The following CENPE variants were observed in gnomAD, a reference collection of about 807,000 sequenced individuals.
CENPE encodes the protein centromere protein E, also known as centromere-associated protein E.
CENPE carries 145 observed loss-of-function variants against 336.1 expected under a neutral mutation model. The observed-to-expected ratio is 0.43, with a 90% CI of 0.38 to 0.50. The LOEUF is 0.50. Among genes scored for constraint, CENPE ranks in the 20% least tolerant of loss-of-function variants. The pLI, the probability that CENPE is intolerant of heterozygous loss-of-function variation, is 0.00. For synonymous variants in CENPE, 1,013 were observed against 984.8 expected (o/e 1.03, Z -0.54); for missense variants, 2,719 against 3,023.3 (o/e 0.90, Z 2.36).
intron 41 of CENPE, among the ~76,000 whole-genome samples, chr4:103,133,394 A>G (rs1751782629): frequency 6.6e-6 from 1 of 152,134 alleles, no homozygotes; most frequent in South Asian, 2.1e-4. Flanking sequence ...CAGACCTTAC[A>G]TACATGTTGG....
Position 103,112,624 on chromosome 4 carries a change from G to GTAAGTATATATAAGTGGATATATACTTA in CENPE, c.7541-1641_7541-1614dup, listed in dbSNP as rs1221923086. Among the ~76,000 whole-genome samples the GTAAGTATATATAAGTGGATATATACTTA allele has an allele frequency of 6.9e-3, 879 of 126,702 alleles. 28 individuals are homozygous for GTAAGTATATATAAGTGGATATATACTTA. Among genetic ancestry groups the GTAAGTATATATAAGTGGATATATACTTA allele is most frequent in the African/African-American group, 0.026 (738 of 28,758 alleles). 83.1% of individuals were successfully genotyped at this position (126,702 alleles called of 152,430 possible). A position where few individuals can be genotyped will look rare whatever the true frequency, so the allele number is the denominator to read the frequency against. On this transcript the variant is annotated intron_variant, in intron 46 of 48. Transcript: ENST00000265148. ...TATATATAAGTCTGTATATATACTT[G>GTAAGTATATATAAGTGGATATATACTTA]TAAGTATATATAAGTGGATATATAC... is the stretch of plus-strand genomic sequence containing the variant.
At chr4:103,191,495 G>C (rs1757324585) in intron 8 of CENPE, among the ~76,000 whole-genome samples, 1 of 152,260 alleles carries the variant, frequency 6.6e-6, no homozygotes, top group Admixed American at 6.5e-5. Context: ...CATGTCCTTT[G>C]TAGGGACATG....
At chr4:103,144,916 GT>G in intron 32 of CENPE, 133 bp downstream of exon 32, 3 of 806,776 alleles carry the variant, frequency 3.7e-6, no homozygotes, top group Non-Finnish European at 5.5e-6. Context: ...AATATAAGCA[GT>G]TTTTGATTCC....
In CENPE at chr4:103,145,622, T is replaced by C; in HGVS notation, c.4473A>G (p.Glu1491=). The change falls in exon 31 of 49, where the codon GAA becomes GAG. Residue 1491 remains glutamate, a synonymous_variant. Transcript: ENST00000265148. ...GATTCACTCTTAACTCATTAATAGT[T>C]TCCTCTTGTTCTTTCAGGCAACAAT... The part of the protein sequence containing the change: ...VAHCCLKEQE[E]TINELRVNLS... 6.2e-7 allele frequency: 1 copy of C among 1,608,692 alleles called. No homozygotes were observed. The highest frequency in any genetic ancestry group is 1.1e-5 in the South Asian group (1 of 89,212).
rs1450890889 is a variant in CENPE at position 103,158,594 on chromosome 4, T to C, written c.2874+20A>G. 1.3e-6 allele frequency: 2 copies of C among 1,568,494 alleles called. No homozygotes were observed. Among genetic ancestry groups the C allele is most frequent in the Non-Finnish European group, 1.7e-6 (2 of 1,165,000 alleles). On this transcript the variant is annotated intron_variant, in intron 23 of 48. Transcript: ENST00000265148. Reference sequence around the variant, plus strand: ...TTAAGAGTCTCCAATTTTTCAAAGTTTAATCAATCAAAACCTTACCATGTT... The same window carrying C: ...TTAAGAGTCTCCAATTTTTCAAAGTCTAATCAATCAAAACCTTACCATGTT...
intron 16 of CENPE, among the ~76,000 whole-genome samples, chr4:103,173,657 A>AGAAATATATATAAGAATATATAAGAAT (rs1755614602): frequency 1.3e-5 from 2 of 152,036 alleles, no homozygotes; most frequent in Admixed American, 1.3e-4. Context: ...TAATATCCAA[A>AGAAATATATATAAGAATATATAAGAAT]ATATATAAGA....
In CENPE at chr4:103,145,037, G is replaced by A; in HGVS notation, c.4857+13C>T. The A allele has an allele frequency of 8.9e-6, 13 of 1,459,588 alleles. No homozygotes were observed. The highest frequency in any genetic ancestry group is 7.0e-5 in the East Asian group (3 of 42,592). 90.4% of individuals were successfully genotyped at this position (1,459,588 alleles called of 1,614,324 possible). ...CTGTATCCAAAAAAAAAAAAAATAA[G>A]ATGGGAACTTACTTTAGCTACAATT... On this transcript the variant is annotated intron_variant, in intron 32 of 48. Coordinates refer to ENST00000265148, the MANE Select transcript of CENPE (RefSeq NM_001813.3).
chr4:103,125,314 A>T (rs1299537984), intron 42 of CENPE, among the ~76,000 whole-genome samples: 1 of 152,260 alleles, frequency 6.6e-6, no homozygotes, highest in Non-Finnish European at 1.5e-5. Flanking sequence ...TTTAATATAA[A>T]TAAGCAATCT....
At chr4:103,144,745 G>A in intron 32 of CENPE, 127 bp from the exon 33 acceptor site, 1 of 663,924 alleles carries the variant, frequency 1.5e-6, no homozygotes, top group East Asian at 2.8e-5. Flanking sequence ...CTTTCATAAG[G>A]GATATGAGTA....
At chr4:103,131,729 A>T (rs1456457305) in intron 42 of CENPE, among the ~76,000 whole-genome samples, 1 of 152,216 alleles carries the variant, frequency 6.6e-6, no homozygotes, top group Non-Finnish European at 1.5e-5. Context: ...GTAAGTAGAT[A>T]AACAGGTACA....
chr4:103,187,320 A>C (rs1756867795), intron 8 of CENPE, among the ~76,000 whole-genome samples: 1 of 152,196 alleles, frequency 6.6e-6, no homozygotes, highest in African/African-American at 2.4e-5. Flanking sequence ...ACTCCTCAAG[A>C]AGAGCAACTC....
chr4:103,159,117 T>C lies in CENPE; in HGVS notation c.2494A>G (p.Lys832Glu), dbSNP rs1216069959. The C allele has an allele frequency of 1.9e-6, 3 of 1,605,430 alleles. No individual in the cohort carries two copies. The highest frequency in any genetic ancestry group is 2.5e-6 in the Non-Finnish European group (3 of 1,176,996). Residue 832 changes from lysine to glutamate, a missense_variant, in exon 22 of 49, where the codon AAG becomes GAG. Around this residue, in one of 5 missense-constraint regions of CENPE, gnomAD observed 2,437 missense variants for 2,513.3 expected, o/e 0.97. Transcript: ENST00000265148. ...TTCTCCTCAAGGACCATCTTATACT[T>C]TTGCTCAAAGTCCATATGAAGGGTT... ...FKTLHMDFEQKYKMVLEENER... is the reference protein window; with the variant it reads ...FKTLHMDFEQEYKMVLEENER...
chr4:103,195,275 A>G lies in CENPE; in HGVS notation c.358-42T>C, dbSNP rs115775542. On this transcript the variant is annotated intron_variant, in intron 4 of 48. Transcript: ENST00000265148. The stretch of plus-strand genomic sequence containing the variant: ...TATATAAAAACACCAGGAAGCATCC[A>G]ATTGTGAAAACCTAATGCTAAATGC... The G allele has an allele frequency of 2.1e-3, 3,202 of 1,537,092 alleles. 68 individuals carry two copies. In the African/African-American group the frequency reaches 0.04, roughly 19 times the overall value.
At chr4:103,112,605 T>C (rs558174550) in intron 46 of CENPE, among the ~76,000 whole-genome samples, 3 of 134,698 alleles carry the variant, frequency 2.2e-5, no homozygotes, top group Non-Finnish European at 4.6e-5. Context: ...TAAGTATATA[T>C]AAGTCTGTAT....
At chr4:103,135,805 A>C (rs1752019000) in intron 40 of CENPE, among the ~76,000 whole-genome samples, 1 of 152,192 alleles carries the variant, frequency 6.6e-6, no homozygotes, top group Non-Finnish European at 1.5e-5. Flanking sequence ...CTACAGTTTC[A>C]TCTTCTGTAA....
chr4:103,143,163 T>C (rs1029856974), intron 34 of CENPE, 85 bp downstream of exon 34: 3 of 942,064 alleles, frequency 3.2e-6, no homozygotes, highest in East Asian at 2.6e-5. Flanking sequence ...TTGCCTTCAA[T>C]TTTAGGGTAA....
intron 48 of CENPE, 75 bp downstream of exon 48, chr4:103,108,728 C>T: frequency 7.5e-7 from 1 of 1,337,966 alleles, no homozygotes; most frequent in Non-Finnish European, 1.0e-6. Context: ...CTAAACTTGC[C>T]CTTTGGGATC....
chr4:103,131,363 GAATTGCAAA>G (rs1166598270), intron 42 of CENPE, among the ~76,000 whole-genome samples: 1 of 152,122 alleles, frequency 6.6e-6, no homozygotes, highest in Non-Finnish European at 1.5e-5. Context: ...TGTTATTAGA[GAATTGCAAA>G]CTGAATGAGA....
intron 17 of CENPE, 63 bp from the exon 18 acceptor site, chr4:103,163,319 CAG>C: frequency 7.0e-7 from 1 of 1,436,280 alleles, no homozygotes; most frequent in Admixed American, 2.0e-5. Flanking sequence ...GGGATTAAAA[CAG>C]AACTTATATA....
Sources: gnomAD v4.1 joint callset for allele counts (sites outside exome capture counted in the v4.1 genomes callset) on GRCh38, gnomAD v4.1.1 for gene constraint, gnomAD v4.1.1 regional missense constraint, MANE v1.5 for transcripts, NCBI Gene and HGNC (gene_info 2026-07-23, HGNC 2026-07-21) for gene names.